The following SAMTOR variants were observed in gnomAD, a reference collection of about 807,000 sequenced individuals.
SAMTOR encodes UPF0532 protein C7orf60.
chr7:112,915,127 A>G, the SAMTOR span, among the ~76,000 whole-genome samples: 2 of 152,008 alleles, frequency 1.3e-5, no homozygotes, highest in Non-Finnish European at 2.9e-5. Flanking sequence ...AATCCCAGCT[A>G]CTTGGGAGGC....
At chr7:112,820,011 G>C in the SAMTOR span, 2 of 152,300 alleles carry the variant, frequency 1.3e-5, no homozygotes, top group African/African-American at 4.8e-5. Flanking sequence ...TGCTTAACTG[G>C]AAAGAACAGT....
chr7:112,907,286 GA>G, the SAMTOR span, among the ~76,000 whole-genome samples: 1 of 151,834 alleles, frequency 6.6e-6, no homozygotes, highest in Non-Finnish European at 1.5e-5. Context: ...AACTTTGGTA[GA>G]AAAAAAATTA....
the SAMTOR span, among the ~76,000 whole-genome samples, chr7:112,888,895 G>C: frequency 6.6e-6 from 1 of 152,256 alleles, no homozygotes; most frequent in African/African-American, 2.4e-5. Flanking sequence ...GTTTGAGAGA[G>C]AGAAAGATTT....
At chr7:112,920,688 T>C in the SAMTOR span, among the ~76,000 whole-genome samples, 26 of 143,756 alleles carry the variant, frequency 1.8e-4, no homozygotes, top group African/African-American at 6.2e-4. Context: ...CATGATTGTA[T>C]ATCTAGAAAA....
At chr7:112,938,688 T>C in the SAMTOR span, among the ~76,000 whole-genome samples, 1 of 152,226 alleles carries the variant, frequency 6.6e-6, no homozygotes, top group African/African-American at 2.4e-5. Context: ...AACAGAATTT[T>C]CACTGTCAAA....
chr7:112,826,951 G>A, the SAMTOR span, among the ~76,000 whole-genome samples: 1 of 152,112 alleles, frequency 6.6e-6, no homozygotes, highest in Admixed American at 6.5e-5. Flanking sequence ...ATCAGTTTTT[G>A]GTTTACATAT....
At chr7:112,861,310 A>G in the SAMTOR span, among the ~76,000 whole-genome samples, 1 of 152,062 alleles carries the variant, frequency 6.6e-6, no homozygotes, top group East Asian at 1.9e-4. Context: ...TTTCATAGAA[A>G]TTTCTTATGA....
At chr7:112,842,606 A>G in the SAMTOR span, among the ~76,000 whole-genome samples, 3 of 152,022 alleles carry the variant, frequency 2.0e-5, no homozygotes, top group African/African-American at 7.2e-5. Flanking sequence ...TTAAAGTAAA[A>G]TAAGTAAACA....
chr7:112,844,891 A>G, the SAMTOR span, among the ~76,000 whole-genome samples: 104 of 152,308 alleles, frequency 6.8e-4, 1 homozygote, highest in Admixed American at 1.5e-3. Flanking sequence ...TGGTACTGGT[A>G]GACAGACGCA....
chr7:112,859,073 A>G, the SAMTOR span, among the ~76,000 whole-genome samples: 1 of 152,166 alleles, frequency 6.6e-6, no homozygotes, highest in African/African-American at 2.4e-5. Context: ...ATAGAAAAAG[A>G]CTGAGTTTGC....
chr7:112,828,781 T>G, the SAMTOR span, among the ~76,000 whole-genome samples: 1 of 152,300 alleles, frequency 6.6e-6, no homozygotes, highest in East Asian at 1.9e-4. Flanking sequence ...ACATTTCTTA[T>G]AATACAAGCT....
the SAMTOR span, among the ~76,000 whole-genome samples, chr7:112,934,449 C>A: frequency 6.6e-6 from 1 of 152,194 alleles, no homozygotes; most frequent in African/African-American, 2.4e-5. Context: ...TAATAGCTAT[C>A]TACATTTTCC....
the SAMTOR span, among the ~76,000 whole-genome samples, chr7:112,867,349 T>G: frequency 4.6e-5 from 7 of 152,220 alleles, no homozygotes; most frequent in Non-Finnish European, 1.0e-4. Flanking sequence ...AGAACATGTA[T>G]AACTACTGAA....
At chr7:112,868,737 G>C in the SAMTOR span, among the ~76,000 whole-genome samples, 1 of 152,218 alleles carries the variant, frequency 6.6e-6, no homozygotes, top group African/African-American at 2.4e-5. Flanking sequence ...CTGGAGCAGG[G>C]AAAAGGCCCC....
chr7:112,840,381 G>A, the SAMTOR span, among the ~76,000 whole-genome samples: 11 of 151,768 alleles, frequency 7.2e-5, no homozygotes, highest in African/African-American at 2.7e-4. Context: ...ATTATTACTG[G>A]TGTATATCTG....
chr7:112,852,524 A>G, the SAMTOR span, among the ~76,000 whole-genome samples: 1 of 152,260 alleles, frequency 6.6e-6, no homozygotes, highest in East Asian at 1.9e-4. Context: ...CATTTACACT[A>G]AAAGCCCAGA....
At chr7:112,866,316 T>C in the SAMTOR span, among the ~76,000 whole-genome samples, 2 of 152,346 alleles carry the variant, frequency 1.3e-5, no homozygotes, top group Non-Finnish European at 2.9e-5. Context: ...TAAATGTCTA[T>C]ATATTTTTCC....
At chr7:112,837,731 A>G in the SAMTOR span, among the ~76,000 whole-genome samples, 2 of 151,964 alleles carry the variant, frequency 1.3e-5, no homozygotes, top group Non-Finnish European at 2.9e-5. Context: ...ATTTGGTTCT[A>G]TAAAGTGACC....
At chr7:112,935,040 C>G in the SAMTOR span, 2 of 243,142 alleles carry the variant, frequency 8.2e-6, no homozygotes, top group Non-Finnish European at 1.6e-5. Flanking sequence ...TTCAAACTCT[C>G]CTAGTGCAAA....
Sources: gnomAD v4.1 joint callset for allele counts (sites outside exome capture counted in the v4.1 genomes callset) on GRCh38, gnomAD v4.1.1 for gene constraint, MANE v1.5 for transcripts, NCBI Gene and HGNC (gene_info 2026-07-23, HGNC 2026-07-21) for gene names.